Variants in STPG2 observed in about 807,000 individuals in gnomAD.
STPG2 encodes the protein sperm-tail PG-rich repeat-containing protein 2.
Under a neutral mutation model 54.2 loss-of-function variants are expected in STPG2, and 56 were observed. The ratio of observed to expected loss-of-function variants is 1.03; its 90% CI spans 0.83 to 1.29. The LOEUF is 1.29. Ranked by LOEUF, STPG2 falls within the 50% of genes most tolerant of loss-of-function variation. The pLI, the probability that STPG2 is intolerant of heterozygous loss-of-function variation, is 0.00. For synonymous variants in STPG2, 200 were observed against 181.8 expected (o/e 1.10, Z -0.81); for missense variants, 596 against 544.9 (o/e 1.09, Z -0.93).
At chr4:97,906,578 G>C (rs1731433538) in intron 8 of STPG2, among the ~76,000 whole-genome samples, 1 of 152,044 alleles carries the variant, frequency 6.6e-6, no homozygotes. Context: ...GAGAATTTTA[G>C]ACCAATATCC....
intron 5 of STPG2, among the ~76,000 whole-genome samples, chr4:97,981,913 C>G (rs1157893188): frequency 6.9e-6 from 1 of 145,548 alleles, no homozygotes; most frequent in Non-Finnish European, 1.5e-5. Flanking sequence ...GAGACGGAGT[C>G]TCGCTCTGTT....
intron 9 of STPG2, among the ~76,000 whole-genome samples, chr4:97,789,941 T>C (rs539174332): frequency 1.3e-5 from 2 of 152,258 alleles, no homozygotes; most frequent in South Asian, 4.1e-4. Flanking sequence ...TGTAAACATT[T>C]CAGATCATTA....
At chr4:98,141,943 A>G (rs540242306) in intron 1 of STPG2, among the ~76,000 whole-genome samples, 767 of 47,498 alleles carry the variant, frequency 0.016, 7 homozygotes, top group African/African-American at 0.073. Flanking sequence ...AGTAGTTGGG[A>G]AAAAAAAAAA....
At chr4:98,058,594 A>G (rs115810160) in intron 5 of STPG2, among the ~76,000 whole-genome samples, 84 of 152,204 alleles carry the variant, frequency 5.5e-4, no homozygotes, top group Admixed American at 2.1e-3. Flanking sequence ...AGACAGAGAC[A>G]TTCTCAAATA....
At chr4:97,698,392 C>T (rs1266348712) in intron 10 of STPG2, among the ~76,000 whole-genome samples, 1 of 152,136 alleles carries the variant, frequency 6.6e-6, no homozygotes, top group African/African-American at 2.4e-5. Context: ...ATCAGTAACT[C>T]CAGCGAACAC....
intron 9 of STPG2, among the ~76,000 whole-genome samples, chr4:97,757,757 G>GTCATT (rs1438052062): frequency 6.6e-6 from 1 of 151,964 alleles, no homozygotes; most frequent in Non-Finnish European, 1.5e-5. Context: ...TGTTTTCTTT[G>GTCATT]TCATTTTCTT....
At chr4:97,926,942 C>A (rs1228208) in intron 8 of STPG2, among the ~76,000 whole-genome samples, 127,356 of 151,988 alleles carry the variant, frequency 0.84, 53,527 homozygotes, top group Middle Eastern at 0.94. Context: ...AAATGTTGTA[C>A]GTAATAACAC....
At chr4:97,459,804 C>A (rs1051652942) in intron 4 of STPG2, among the ~76,000 whole-genome samples, 5 of 152,068 alleles carry the variant, frequency 3.3e-5, no homozygotes, top group African/African-American at 1.2e-4. Context: ...TTTTTCACTT[C>A]GAGTTTTGTA....
chr4:97,893,389 T>C (rs931513320), intron 8 of STPG2, among the ~76,000 whole-genome samples: 2 of 152,200 alleles, frequency 1.3e-5, no homozygotes, highest in South Asian at 2.1e-4. Flanking sequence ...TCATTAAATA[T>C]AGAAATACAA....
chr4:98,017,849 A>C (rs1298579302), intron 5 of STPG2, among the ~76,000 whole-genome samples: 1 of 152,066 alleles, frequency 6.6e-6, no homozygotes, highest in African/African-American at 2.4e-5. Flanking sequence ...TGGTTTTAAA[A>C]GTGGCAGTTT....
At chr4:97,501,647 G>T (rs908507234) in intron 4 of STPG2, among the ~76,000 whole-genome samples, 1 of 151,626 alleles carries the variant, frequency 6.6e-6, no homozygotes, top group Non-Finnish European at 1.5e-5. Flanking sequence ...GTGAGTTCGA[G>T]ATCGTGCCAC....
At chr4:98,132,327 C>T (rs1398000460) in intron 2 of STPG2, among the ~76,000 whole-genome samples, 2 of 124,934 alleles carry the variant, frequency 1.6e-5, no homozygotes, top group Non-Finnish European at 3.6e-5. Flanking sequence ...AATGTAAACA[C>T]TAATAAATTT....
intron 5 of STPG2, among the ~76,000 whole-genome samples, chr4:98,075,422 T>C (rs1738135066): frequency 6.6e-6 from 1 of 152,238 alleles, no homozygotes; most frequent in Admixed American, 6.5e-5. Context: ...AAGATTTTAC[T>C]AGCCTTTTAT....
intron 4 of STPG2, chr4:97,441,637 T>C (rs919558836): frequency 4.6e-5 from 7 of 152,050 alleles, no homozygotes; most frequent in Admixed American, 3.9e-4. Flanking sequence ...AAATTACTTC[T>C]AATAAAAAAG....
At chr4:98,033,112 G>C (rs1198863005) in intron 5 of STPG2, among the ~76,000 whole-genome samples, 2 of 127,268 alleles carry the variant, frequency 1.6e-5, no homozygotes, top group Non-Finnish European at 3.5e-5. Context: ...GAAGAAGATA[G>C]AAACACACAC....
At chr4:97,519,389 T>C (rs79312772) in intron 4 of STPG2, among the ~76,000 whole-genome samples, 2,623 of 152,058 alleles carry the variant, frequency 0.017, 68 homozygotes, top group African/African-American at 0.059. Flanking sequence ...CAGAATTTCA[T>C]GTCACAGGAA....
chr4:98,080,019 G>A (rs1049337236), intron 5 of STPG2, among the ~76,000 whole-genome samples: 15 of 151,902 alleles, frequency 9.9e-5, no homozygotes, highest in Non-Finnish European at 1.9e-4. Flanking sequence ...TTGTTTTTCA[G>A]AATAAAATAT....
intron 10 of STPG2, among the ~76,000 whole-genome samples, chr4:97,561,387 T>C (rs897617064): frequency 6.6e-6 from 1 of 152,132 alleles, no homozygotes; most frequent in African/African-American, 2.4e-5. Context: ...TTTTCTCCCA[T>C]TTTGTAGGCT....
In STPG2 at chr4:97,830,316, T is replaced by C. The variant is rs561845412; in HGVS notation, c.1204+10457A>G. Among the ~76,000 whole-genome samples the C allele has an allele frequency of 5.3e-5, 8 of 151,982 alleles. No homozygotes were observed. The South Asian group carries it at 1.5e-3, about 28-fold the overall frequency. On this transcript the variant is annotated intron_variant, in intron 9 of 10. Transcript: ENST00000295268. ...GAGAAATAAAATCCATTAAAGACAA[T>C]CAAATGCGGAGAGATTTTGTTACCA...
Sources: allele counts gnomAD v4.1 joint callset (sites outside exome capture counted in the v4.1 genomes callset), GRCh38; gene constraint gnomAD v4.1.1; transcripts MANE v1.5; gene names NCBI Gene and HGNC (gene_info 2026-07-23, HGNC 2026-07-21).